PLEKHH2: variants seen among roughly 807,000 people sequenced by gnomAD.
PLEKHH2 encodes the protein pleckstrin homology domain-containing family H member 2.
In PLEKHH2, 129 loss-of-function variants were observed where a neutral mutation model predicts 187.9. The observed-to-expected ratio is 0.69, with a 90% CI of 0.59 to 0.79. The LOEUF (loss-of-function observed/expected upper bound fraction) is 0.79. Ranked by LOEUF, PLEKHH2 falls within the 30% of genes least tolerant of loss-of-function variation. The pLI, the probability that PLEKHH2 is intolerant of heterozygous loss-of-function variation, is 0.00. For missense variants in PLEKHH2, 2,076 were observed against 1,751.2 expected (o/e 1.19, Z -3.31); for synonymous variants, 686 against 605.6 (o/e 1.13, Z -1.95).
chr2:43,671,011 T>G (rs911865201), intron 2 of PLEKHH2, among the ~76,000 whole-genome samples: 3 of 151,628 alleles, frequency 2.0e-5, no homozygotes, highest in Non-Finnish European at 4.4e-5. Flanking sequence ...TGAGATGAAG[T>G]GTCGCCCTTG....
chr2:43,707,609 T>G (rs893608004), intron 11 of PLEKHH2, 64 bp downstream of exon 11: 1 of 1,577,916 alleles, frequency 6.3e-7, no homozygotes, highest in Non-Finnish European at 8.7e-7. Context: ...TTGGGAATTT[T>G]ATCTCCATTA....
intron 4 of PLEKHH2, 26 bp downstream of exon 4, chr2:43,692,689 C>T: frequency 1.2e-6 from 2 of 1,601,854 alleles, no homozygotes; most frequent in South Asian, 1.1e-5. Flanking sequence ...ATAAAGAGTT[C>T]TAAGTGTGTG....
intron 2 of PLEKHH2, among the ~76,000 whole-genome samples, chr2:43,668,069 G>T (rs1356072930): frequency 6.6e-6 from 1 of 152,146 alleles, no homozygotes; most frequent in Non-Finnish European, 1.5e-5. Flanking sequence ...GTCCGGCTCT[G>T]TCACCCTGGC....
At chr2:43,682,500 T>C (rs1211888958) in intron 3 of PLEKHH2, among the ~76,000 whole-genome samples, 1 of 151,978 alleles carries the variant, frequency 6.6e-6, no homozygotes, top group East Asian at 1.9e-4. Context: ...AGAGATGGGG[T>C]TTCACCATGT....
At chr2:43,693,102 ATT>A (rs5830766) in intron 4 of PLEKHH2, among the ~76,000 whole-genome samples, 2,827 of 150,462 alleles carry the variant, frequency 0.019, 105 homozygotes, top group African/African-American at 0.065. Context: ...TAATTTTTGT[ATT>A]TTTTTTTTTA....
chr2:43,762,274 A>G, intron 27 of PLEKHH2, 30 bp from the exon 28 acceptor site: 1 of 1,500,776 alleles, frequency 6.7e-7, no homozygotes, highest in Non-Finnish European at 9.3e-7. Flanking sequence ...CTTAGTATTT[A>G]TAATATAGTG....
chr2:43,701,923 A>G (rs984259547), intron 8 of PLEKHH2, among the ~76,000 whole-genome samples: 5 of 152,034 alleles, frequency 3.3e-5, no homozygotes, highest in Non-Finnish European at 7.4e-5. Context: ...GTTTACCACC[A>G]CACCTGGCTA....
At chr2:43,708,779 G>A (rs1246270563) in intron 11 of PLEKHH2, among the ~76,000 whole-genome samples, 2 of 152,098 alleles carry the variant, frequency 1.3e-5, no homozygotes. Context: ...CTTTGACTTT[G>A]GACAAATCCT....
chr2:43,674,288 T>C (rs1667621837), intron 2 of PLEKHH2, among the ~76,000 whole-genome samples: 1 of 152,174 alleles, frequency 6.6e-6, no homozygotes, highest in Admixed American at 6.5e-5. Flanking sequence ...CTGGCAATCC[T>C]GACAATATTC....
intron 1 of PLEKHH2, among the ~76,000 whole-genome samples, chr2:43,640,950 ATTTT>A (rs58200065): frequency 8.6e-6 from 1 of 115,776 alleles, no homozygotes; most frequent in African/African-American, 3.4e-5. Context: ...TGCCTGGCTA[ATTTT>A]TTTTTTTTTT....
Position 43,699,863 on chromosome 2 carries a change from G to A in PLEKHH2, c.905G>A (p.Cys302Tyr), listed in dbSNP as rs1669267180. ...AGCAAAGGAAGATCCAAGTCCAGAT[G>A]CACATCCACCCTCTCCAGTCACACA... ...DGSKGRSKSR[C>Y]TSTLSSHTSE... Residue 302 changes from cysteine (C) to tyrosine (Y), a missense_variant, in exon 8 of 30, where the codon TGC (cysteine) becomes TAC (tyrosine). Physicochemically the swap from Cys to Tyr is radical, Grantham distance 194 (BLOSUM62 -2). Coordinates refer to ENST00000282406, the MANE Select transcript of PLEKHH2 (RefSeq NM_172069.4). The A allele has an allele frequency of 1.2e-6, 2 of 1,614,016 alleles. No homozygotes were observed. The highest frequency in any genetic ancestry group is 8.5e-7 in the Non-Finnish European group (1 of 1,180,008).
intron 8 of PLEKHH2, among the ~76,000 whole-genome samples, chr2:43,702,527 C>CTTTTTTTTTTTTTTTTTTTTTTTTTTTCT (rs1167078689): frequency 1.7e-5 from 1 of 57,418 alleles, no homozygotes; most frequent in Non-Finnish European, 3.0e-5. Context: ...CATTCTACTA[C>CTTTTTTTTTTTTTTTTTTTTTTTTTTTCT]TTTTTTTTTT....
At chr2:43,668,891 C>A (rs1667357814) in intron 2 of PLEKHH2, among the ~76,000 whole-genome samples, 2 of 152,208 alleles carry the variant, frequency 1.3e-5, no homozygotes, top group Admixed American at 6.5e-5. Flanking sequence ...TGAGTCTGGC[C>A]AGTTCCCTTG....
Position 43,767,045 on chromosome 2 carries a change from T to A in PLEKHH2, c.*1447T>A, listed in dbSNP as rs1672647449. ...GTATGTGTCACAACAGTGTAGTTCATATTCATGATAAAAATGAAACTGTGA... is the reference window on the plus strand; with the variant it reads ...GTATGTGTCACAACAGTGTAGTTCAAATTCATGATAAAAATGAAACTGTGA... On this transcript the variant is annotated 3_prime_UTR_variant, in exon 30 of 30. Transcript: ENST00000282406. 6.5e-6 allele frequency: 1 copy of A among 152,802 alleles called. No homozygotes were observed. The highest frequency in any genetic ancestry group is 2.4e-5 in the African/African-American group (1 of 41,458). The allele number at this position is 152,802 out of a possible 1,614,324, so 9.5% of individuals were successfully genotyped here. A position where few individuals can be genotyped will look rare whatever the true frequency, so the allele number is the denominator to read the frequency against.
chr2:43,680,440 G>C (rs1230788453), intron 3 of PLEKHH2: 1 of 155,914 alleles, frequency 6.4e-6, no homozygotes, highest in Admixed American at 6.5e-5. Context: ...GAAAAAAAAG[G>C]CTTAAATACA....
In PLEKHH2 at chr2:43,706,394, C is replaced by T. The variant is rs1330389982; in HGVS notation, c.1799C>T (p.Pro600Leu). 6 of 1,597,090 alleles carry T rather than the reference C, an allele frequency of 3.8e-6. No individual in the cohort carries two copies. The Admixed American group carries it at 1.0e-4, about 27-fold the overall frequency. ...TSLIYKNMTT[P>L]VYTTLKGKAT... ...CTGATATACAAGAACATGACCACCC[C>T]AGTGTATACAACTTTGAAGGGGGTA... The change falls in exon 10 of 30, where the codon CCA (proline) becomes CTA (leucine). Residue 600 changes from proline (P) to leucine (L), a missense_variant. Pro to Leu is a moderately conservative substitution (Grantham distance 98). Transcript: ENST00000282406.
chr2:43,746,094 A>T, intron 24 of PLEKHH2, 131 bp downstream of exon 24: 1 of 531,620 alleles, frequency 1.9e-6, no homozygotes, highest in Non-Finnish European at 3.0e-6. Flanking sequence ...ATAAATGATA[A>T]CTCTGTTTCT....
chr2:43,650,245 G>A (rs530681692), intron 2 of PLEKHH2, among the ~76,000 whole-genome samples: 1 of 142,732 alleles, frequency 7.0e-6, no homozygotes, highest in South Asian at 2.2e-4. Context: ...TGATCCTCCT[G>A]CCTCAGCCTC....
intron 2 of PLEKHH2, among the ~76,000 whole-genome samples, chr2:43,673,159 C>T (rs112395619): frequency 0.01 from 1,543 of 152,258 alleles, 29 homozygotes; most frequent in African/African-American, 0.035. Flanking sequence ...TGGTTGTCAA[C>T]TCAGGGCCAA....
Sources: allele counts gnomAD v4.1 joint callset (sites outside exome capture counted in the v4.1 genomes callset), GRCh38; gene constraint gnomAD v4.1.1; transcripts MANE v1.5; gene names NCBI Gene and HGNC (gene_info 2026-07-23, HGNC 2026-07-21).